Variants in PCDH15 observed in about 807,000 individuals in gnomAD.
The protein encoded by PCDH15 is protocadherin-15.
PCDH15 carries 129 observed loss-of-function variants against 178.5 expected under a neutral mutation model. That is an observed-to-expected ratio of 0.72 (90% CI 0.63 to 0.84). The LOEUF is 0.84. PCDH15 is among the 40% of genes least tolerant of loss of function. The pLI, the probability that PCDH15 is intolerant of heterozygous loss-of-function variation, is 0.00. For missense variants in PCDH15, 2,230 were observed against 2,099.9 expected, an observed-to-expected ratio of 1.06 and a Z score of -1.21; for synonymous variants, 800 against 732.0, an observed-to-expected ratio of 1.09 and a Z score of -1.50.
At chr10:54,150,205 C>T (rs73245408) in intron 14 of PCDH15, among the ~76,000 whole-genome samples, 2,365 of 151,762 alleles carry the variant, frequency 0.016, 76 homozygotes, top group African/African-American at 0.054. Context: ...GGGTAATGGG[C>T]GTTATAATTA....
intron 17 of PCDH15, among the ~76,000 whole-genome samples, chr10:54,072,492 A>T (rs2094263883): frequency 6.6e-6 from 1 of 152,094 alleles, no homozygotes; most frequent in Non-Finnish European, 1.5e-5. Flanking sequence ...TTTGAGAAAG[A>T]GAAAAGGGAA....
At chr10:55,253,730 G>T (rs1478064192) in intron 1 of PCDH15, among the ~76,000 whole-genome samples, 1 of 152,070 alleles carries the variant, frequency 6.6e-6, no homozygotes, top group Non-Finnish European at 1.5e-5. Flanking sequence ...GAAGTATGCT[G>T]ATTGATCAAT....
chr10:54,326,770 C>G (rs555785796), intron 7 of PCDH15, among the ~76,000 whole-genome samples: 1 of 152,046 alleles, frequency 6.6e-6, no homozygotes, highest in African/African-American at 2.4e-5. Flanking sequence ...TAAACAAAAA[C>G]GGAGTATTGT....
intron 9 of PCDH15, among the ~76,000 whole-genome samples, chr10:54,221,715 G>A (rs764060386): frequency 7.3e-5 from 11 of 151,600 alleles, no homozygotes; most frequent in Admixed American, 3.9e-4. Flanking sequence ...CAATTCTCCC[G>A]CCTCAACCCC....
intron 10 of PCDH15, among the ~76,000 whole-genome samples, chr10:54,204,686 C>T (rs951306002): frequency 2.0e-5 from 3 of 152,042 alleles, no homozygotes; most frequent in South Asian, 2.1e-4. Flanking sequence ...AACTAGGATA[C>T]GGGCGCTCAA....
At chr10:53,850,504 TTTTC>T (rs1392533555) in intron 28 of PCDH15, among the ~76,000 whole-genome samples, 1 of 152,118 alleles carries the variant, frequency 6.6e-6, no homozygotes, top group Non-Finnish European at 1.5e-5. Flanking sequence ...AGCAAATAAA[TTTTC>T]TTTCTGTCAA....
In PCDH15 at chr10:54,898,541, A is replaced by G. The variant is rs184356523; in HGVS notation, c.-79-1041T>C. On this transcript the variant is annotated intron_variant, in intron 2 of 5. Transcript: ENST00000458638. ...GATTTTTCAGCAACTCTTTCTCTCA[A>G]TAAGATAAAGATATAATCCATTGTA... 2.3e-3 allele frequency among the ~76,000 whole-genome samples: 350 copies of G among 152,252 alleles called. 2 individuals carry two copies. Among genetic ancestry groups the G allele is most frequent in the Non-Finnish European group, 4.1e-3 (277 of 68,012 alleles).
chr10:55,295,854 A>T (rs1251416312), intron 1 of PCDH15, among the ~76,000 whole-genome samples: 1 of 152,076 alleles, frequency 6.6e-6, no homozygotes, highest in Non-Finnish European at 1.5e-5. Context: ...CACGGACATC[A>T]CAAGTTAAGG....
intron 2 of PCDH15, among the ~76,000 whole-genome samples, chr10:55,040,903 T>C (rs1297701222): frequency 4.6e-5 from 7 of 152,056 alleles, no homozygotes; most frequent in Non-Finnish European, 8.8e-5. Flanking sequence ...TGTGAAGTAA[T>C]AACCATGTTC....
rs189862423 is a variant in PCDH15, at chr10:55,226,961, C to T, written c.-155-60310G>A. 3.3e-3 allele frequency among the ~76,000 whole-genome samples: 505 copies of T among 151,800 alleles called. 10 individuals are homozygous for T. The highest frequency in any genetic ancestry group is 0.011 in the African/African-American group (443 of 41,354). ...GAAAATGGAAAGTGGAAATGATGGA[C>T]AAGAGATTAACAAAAAAATTAGAAA... is the stretch of plus-strand genomic sequence containing the variant. On this transcript the variant is annotated intron_variant, in intron 1 of 5. Transcript: ENST00000458638.
chr10:54,834,042 A>T (rs1335439356), intron 3 of PCDH15, among the ~76,000 whole-genome samples: 2 of 152,194 alleles, frequency 1.3e-5, no homozygotes, highest in African/African-American at 4.8e-5. Flanking sequence ...CTTATTGGAC[A>T]AGTTACCACA....
intron 14 of PCDH15, among the ~76,000 whole-genome samples, chr10:54,136,668 C>T (rs77277595): frequency 6.6e-6 from 1 of 152,176 alleles, no homozygotes; most frequent in East Asian, 1.9e-4. Context: ...CAATAAGGAC[C>T]TTAAACTCGT....
chr10:54,389,243 T>A (rs1950254578), intron 3 of PCDH15, among the ~76,000 whole-genome samples: 1 of 152,174 alleles, frequency 6.6e-6, no homozygotes, highest in Admixed American at 6.5e-5. Context: ...CTGAAGTGCA[T>A]GTCCTCTGGT....
chr10:55,214,505 T>C (rs1275228028), intron 1 of PCDH15, among the ~76,000 whole-genome samples: 1 of 152,006 alleles, frequency 6.6e-6, no homozygotes, highest in African/African-American at 2.4e-5. Flanking sequence ...TACATGACCA[T>C]TTTATATCCA....
chr10:54,161,292 ATAAAAG>A (rs1204229087), intron 13 of PCDH15, among the ~76,000 whole-genome samples: 1 of 152,306 alleles, frequency 6.6e-6, no homozygotes, highest in African/African-American at 2.4e-5. Flanking sequence ...GCCAGGTAAA[ATAAAAG>A]TAAAAGATAC....
At chr10:53,816,959 C>G (rs529794232) in intron 34 of PCDH15, among the ~76,000 whole-genome samples, 2 of 152,158 alleles carry the variant, frequency 1.3e-5, no homozygotes, top group Non-Finnish European at 2.9e-5. Context: ...ATAATACACA[C>G]TTTAACCAGA....
chr10:54,972,324 G>A (rs1430619523), intron 2 of PCDH15, among the ~76,000 whole-genome samples: 4 of 151,754 alleles, frequency 2.6e-5, no homozygotes. Flanking sequence ...CGGATCACCT[G>A]AGGTCAGGAG....
intron 2 of PCDH15, among the ~76,000 whole-genome samples, chr10:54,622,682 T>TA (rs1565777462): frequency 4.9e-4 from 44 of 90,300 alleles, no homozygotes; most frequent in Admixed American, 6.8e-4. Flanking sequence ...ATATAATATA[T>TA]ATTATATAAT....
intron 2 of PCDH15, among the ~76,000 whole-genome samples, chr10:55,597,953 C>G (rs1028465736): frequency 6.6e-6 from 1 of 152,062 alleles, no homozygotes; most frequent in Non-Finnish European, 1.5e-5. Context: ...CATCCCCGCC[C>G]CAGTGAGAAT....
Sources: allele counts gnomAD v4.1 joint callset (sites outside exome capture counted in the v4.1 genomes callset), GRCh38; gene constraint gnomAD v4.1.1; transcripts MANE v1.5; gene names NCBI Gene and HGNC (gene_info 2026-07-23, HGNC 2026-07-21).